SOX6: variants seen among roughly 807,000 people sequenced by gnomAD.
SOX6 encodes SRY-box transcription factor 6.
SOX6 carries 11 observed loss-of-function variants against 97.8 expected under a neutral mutation model. The ratio of observed to expected loss-of-function variants is 0.11; its 90% CI spans 0.07 to 0.19. The LOEUF (loss-of-function observed/expected upper bound fraction) is 0.19. Among genes scored for constraint, SOX6 ranks in the 10% least tolerant of loss-of-function variants. The pLI, the probability that SOX6 is intolerant of heterozygous loss-of-function variation, is 1.00. For synonymous variants in SOX6, 360 were observed against 371.4 expected, an observed-to-expected ratio of 0.97 and a Z score of 0.35; for missense variants, 810 against 1,039.5, an observed-to-expected ratio of 0.78 and a Z score of 3.04.
At chr11:16,058,036 T>C (rs965132250) in intron 9 of SOX6, among the ~76,000 whole-genome samples, 1 of 152,132 alleles carries the variant, frequency 6.6e-6, no homozygotes, top group Non-Finnish European at 1.5e-5. Flanking sequence ...TCTAGGAAAC[T>C]TTTTTGATGT....
intron 2 of SOX6, among the ~76,000 whole-genome samples, chr11:16,721,854 T>C (rs1367571027): frequency 1.3e-5 from 2 of 151,500 alleles, no homozygotes; most frequent in East Asian, 3.9e-4. Flanking sequence ...CACAGACAAA[T>C]GGAACAGAAT....
chr11:16,237,035 T>C (rs1853045123), intron 3 of SOX6, among the ~76,000 whole-genome samples: 1 of 152,010 alleles, frequency 6.6e-6, no homozygotes, highest in Non-Finnish European at 1.5e-5. Context: ...TTTTCAGCCA[T>C]GAAAATATTT....
At chr11:16,736,675 T>C (rs1003971579) in intron 1 of SOX6, among the ~76,000 whole-genome samples, 11 of 152,240 alleles carry the variant, frequency 7.2e-5, no homozygotes, top group African/African-American at 2.2e-4. Context: ...TCACCATTTG[T>C]CAAACCCATT....
At chr11:16,405,478 C>T (rs184305012) in intron 1 of SOX6, among the ~76,000 whole-genome samples, 11 of 152,118 alleles carry the variant, frequency 7.2e-5, no homozygotes, top group African/African-American at 2.2e-4. Flanking sequence ...AATGGAGGGA[C>T]GTGACTGTTT....
chr11:16,661,612 G>T, intron 3 of SOX6, among the ~76,000 whole-genome samples: 1 of 151,908 alleles, frequency 6.6e-6, no homozygotes, highest in East Asian at 1.9e-4. Context: ...CAGTGGCGGG[G>T]GCATAGCTCA....
intron 6 of SOX6, among the ~76,000 whole-genome samples, chr11:16,171,727 T>C (rs1851044457): frequency 6.6e-6 from 1 of 151,982 alleles, no homozygotes; most frequent in Non-Finnish European, 1.5e-5. Flanking sequence ...TAAAACATTA[T>C]ATGGTTCTGT....
At chr11:16,685,966 A>G (rs1202817549) in intron 3 of SOX6, among the ~76,000 whole-genome samples, 1 of 152,212 alleles carries the variant, frequency 6.6e-6, no homozygotes, top group South Asian at 2.1e-4. Flanking sequence ...CACATTCTCC[A>G]AGGTGGTAGG....
intron 3 of SOX6, among the ~76,000 whole-genome samples, chr11:16,649,080 AG>A (rs1170787700): frequency 3.3e-5 from 5 of 152,096 alleles, no homozygotes; most frequent in South Asian, 2.1e-4. Context: ...AGAAAAAAGA[AG>A]GAAAAAAAAA....
intron 4 of SOX6, among the ~76,000 whole-genome samples, chr11:16,550,658 T>C (rs565560617): frequency 2.0e-4 from 30 of 152,180 alleles, no homozygotes; most frequent in Admixed American, 6.5e-4. Context: ...ACCGCAACAG[T>C]GTACTGTGGG....
chr11:16,702,901 T>C (rs915226893), intron 3 of SOX6, among the ~76,000 whole-genome samples: 2 of 149,268 alleles, frequency 1.3e-5, no homozygotes, highest in African/African-American at 4.9e-5. Flanking sequence ...AAAATATATA[T>C]ACATATATAT....
At chr11:16,182,010 A>G (rs887505137) in intron 6 of SOX6, among the ~76,000 whole-genome samples, 10 of 151,820 alleles carry the variant, frequency 6.6e-5, no homozygotes, top group Admixed American at 4.6e-4. Flanking sequence ...GATGTTTCCA[A>G]ATGTTCATTC....
intron 3 of SOX6, among the ~76,000 whole-genome samples, chr11:16,253,521 G>A (rs984252812): frequency 6.6e-6 from 1 of 151,972 alleles, no homozygotes; most frequent in African/African-American, 2.4e-5. Context: ...TGAGCAGAGA[G>A]ACATAAATCT....
At chr11:16,374,228 A>C (rs1469297554) in intron 1 of SOX6, among the ~76,000 whole-genome samples, 1 of 152,056 alleles carries the variant, frequency 6.6e-6, no homozygotes, top group Non-Finnish European at 1.5e-5. Flanking sequence ...CTAAAACCCC[A>C]TGGAAGTATA....
chr11:16,340,309 G>C (rs890468476), intron 2 of SOX6, among the ~76,000 whole-genome samples: 1 of 150,222 alleles, frequency 6.7e-6, no homozygotes, highest in East Asian at 2.1e-4. Flanking sequence ...ATCTCTTCTA[G>C]ATGCTAAAAA....
chr11:16,098,645 T>A (rs936682171), intron 7 of SOX6, among the ~76,000 whole-genome samples: 2 of 151,872 alleles, frequency 1.3e-5, no homozygotes, highest in African/African-American at 2.4e-5. Flanking sequence ...TAATGGAGTA[T>A]CACTTTGGCT....
chr11:16,653,081 G>A (rs913755469), intron 3 of SOX6, among the ~76,000 whole-genome samples: 3 of 152,146 alleles, frequency 2.0e-5, no homozygotes, highest in African/African-American at 7.2e-5. Context: ...CCTTACTCCT[G>A]CAAGAATGAC....
rs542393219 is a variant in SOX6 at position 16,651,249 on chromosome 11, G to A, written n.430-38989C>T. Among the ~76,000 whole-genome samples the A allele has an allele frequency of 2.2e-4, 34 of 151,896 alleles. No individual in the cohort carries two copies. The South Asian group carries it at 7.1e-3, about 32-fold the overall frequency. On this transcript the variant is annotated intron_variant and non_coding_transcript_variant, in intron 3 of 5. Coordinates refer to the SOX6 transcript ENST00000524520. ...TATTCCCAAAAAAATACAGAAAGAG[G>A]GGATCTTCCCTAAAGATCATTCTAT...
At chr11:16,575,585 TAC>T (rs1239309693) in intron 4 of SOX6, among the ~76,000 whole-genome samples, 1 of 152,182 alleles carries the variant, frequency 6.6e-6, no homozygotes, top group African/African-American at 2.4e-5. Context: ...ATGATAATGA[TAC>T]AGTTTGACAA....
chr11:16,595,904 A>G (rs1370464240), intron 4 of SOX6, among the ~76,000 whole-genome samples: 1 of 152,216 alleles, frequency 6.6e-6, no homozygotes, highest in East Asian at 1.9e-4. Context: ...ACTGTCCATC[A>G]CTATCATTGT....
Sources: allele counts gnomAD v4.1 joint callset (sites outside exome capture counted in the v4.1 genomes callset), GRCh38; gene constraint gnomAD v4.1.1; transcripts MANE v1.5; gene names NCBI Gene and HGNC (gene_info 2026-07-23, HGNC 2026-07-21).